PTPRD: variants seen among roughly 807,000 people sequenced by gnomAD.
The protein encoded by PTPRD is receptor-type tyrosine-protein phosphatase delta.
In PTPRD, 34 loss-of-function variants were observed where a neutral mutation model predicts 214.5. The observed-to-expected ratio is 0.16, with a 90% CI of 0.12 to 0.21. PTPRD has a LOEUF of 0.21. PTPRD is among the 10% of genes least tolerant of loss of function. PTPRD has a pLI of 1.00. For missense variants in PTPRD, 2,545 were observed against 2,398.7 expected, an observed-to-expected ratio of 1.06 and a Z score of -1.27; for synonymous variants, 1,128 against 845.7, an observed-to-expected ratio of 1.33 and a Z score of -5.79.
chr9:10,070,032 CA>C (rs1341886204), intron 3 of PTPRD, among the ~76,000 whole-genome samples: 1 of 151,810 alleles, frequency 6.6e-6, no homozygotes, highest in Non-Finnish European at 1.5e-5. Flanking sequence ...CTACTGATTC[CA>C]AATTTTTGGT....
At chr9:9,175,641 A>AGC (rs148825813) in intron 10 of PTPRD, among the ~76,000 whole-genome samples, 1 of 140,364 alleles carries the variant, frequency 7.1e-6, no homozygotes, top group African/African-American at 2.6e-5. Flanking sequence ...AAAAAAAAAA[A>AGC]AAAAAAAAAG....
At chr9:9,415,061 G>T (rs115945319) in intron 8 of PTPRD, among the ~76,000 whole-genome samples, 2 of 152,168 alleles carry the variant, frequency 1.3e-5, no homozygotes, top group East Asian at 3.9e-4. Context: ...ACCTAATTAC[G>T]TACTTGTTTA....
At chr9:10,110,686 C>T (rs902221611) in intron 3 of PTPRD, among the ~76,000 whole-genome samples, 1 of 152,176 alleles carries the variant, frequency 6.6e-6, no homozygotes, top group Non-Finnish European at 1.5e-5. Flanking sequence ...ACTGACTGGG[C>T]ATTGGCCTAT....
At chr9:8,606,943 C>G (rs570894939) in intron 14 of PTPRD, among the ~76,000 whole-genome samples, 3 of 152,108 alleles carry the variant, frequency 2.0e-5, no homozygotes, top group Non-Finnish European at 4.4e-5. Context: ...GTAAAGAAAA[C>G]CTTACTTGAA....
intron 4 of PTPRD, among the ~76,000 whole-genome samples, chr9:9,947,192 T>C (rs999932541): frequency 1.5e-4 from 22 of 145,490 alleles, no homozygotes; most frequent in Non-Finnish European, 3.3e-4. Context: ...GCTATACAGA[T>C]ACTCTCTCAT....
chr9:9,470,839 G>C (rs776290348), intron 8 of PTPRD, among the ~76,000 whole-genome samples: 1 of 152,168 alleles, frequency 6.6e-6, no homozygotes, highest in Non-Finnish European at 1.5e-5. Flanking sequence ...AACTTATTAA[G>C]TTCATATGGG....
At chr9:10,173,222 C>G (rs1032339906) in intron 3 of PTPRD, among the ~76,000 whole-genome samples, 1 of 152,120 alleles carries the variant, frequency 6.6e-6, no homozygotes, top group East Asian at 1.9e-4. Flanking sequence ...TTAGCGTATT[C>G]TAGTAGTGTT....
chr9:10,377,037 C>G (rs895116041), intron 2 of PTPRD, among the ~76,000 whole-genome samples: 17 of 151,846 alleles, frequency 1.1e-4, no homozygotes, highest in Non-Finnish European at 2.5e-4. Context: ...AACCATCCCC[C>G]CCTTCCACCC....
intron 7 of PTPRD, among the ~76,000 whole-genome samples, chr9:9,697,159 T>G (rs1307789900): frequency 6.6e-6 from 1 of 152,080 alleles, no homozygotes. Context: ...GTTGTAGCTA[T>G]TTTTTTGATA....
At chr9:9,899,699 T>C (rs183003839) in intron 5 of PTPRD, among the ~76,000 whole-genome samples, 1 of 152,032 alleles carries the variant, frequency 6.6e-6, no homozygotes, top group East Asian at 1.9e-4. Flanking sequence ...CACTACTAGA[T>C]ATACCTCCAA....
intron 4 of PTPRD, among the ~76,000 whole-genome samples, chr9:9,960,286 A>T (rs571606098): frequency 7.4e-4 from 113 of 152,172 alleles, no homozygotes; most frequent in African/African-American, 2.6e-3. Flanking sequence ...CCCAATGGCC[A>T]AAGCTATGAC....
chr9:10,080,256 A>G (rs2098213728), intron 3 of PTPRD, among the ~76,000 whole-genome samples: 1 of 152,166 alleles, frequency 6.6e-6, no homozygotes, highest in Non-Finnish European at 1.5e-5. Context: ...ACACTAAAGG[A>G]AAATCAGACA....
chr9:10,571,925 A>G (rs2131987459), intron 2 of PTPRD, among the ~76,000 whole-genome samples: 1 of 152,290 alleles, frequency 6.6e-6, no homozygotes, highest in Non-Finnish European at 1.5e-5. Context: ...CCTCCTGCTG[A>G]GAGGCCCCAT....
At chr9:9,162,246 C>A (rs2099891070) in intron 10 of PTPRD, among the ~76,000 whole-genome samples, 1 of 152,126 alleles carries the variant, frequency 6.6e-6, no homozygotes. Context: ...AATATACATT[C>A]ATGATTGCTA....
intron 7 of PTPRD, among the ~76,000 whole-genome samples, chr9:9,677,748 G>A (rs1046287281): frequency 3.9e-5 from 6 of 152,010 alleles, no homozygotes; most frequent in African/African-American, 1.4e-4. Context: ...GAAATAAAGG[G>A]CATTCAATTA....
chr9:10,195,098 A>ATTT lies in PTPRD; in HGVS notation c.-545+145862_-545+145864dup, dbSNP rs34900305. ...CAGGCACCCGTGACCATACCCGGCTATTTTTTTTTTTTTTTTTTTTTTTGT... is the reference window on the plus strand; with the variant it reads ...CAGGCACCCGTGACCATACCCGGCTATTTTTTTTTTTTTTTTTTTTTTTTTTGT... On this transcript the variant is annotated intron_variant, in intron 3 of 45. Transcript: ENST00000381196. Among the ~76,000 whole-genome samples the ATTT allele has an allele frequency of 1.1e-3, 104 of 97,918 alleles. 1 individual carries two copies. Among genetic ancestry groups the ATTT allele is most frequent in the Non-Finnish European group, 1.6e-3 (83 of 51,994 alleles). The allele number at this position is 97,918 out of a possible 152,430, so 64.2% of individuals were successfully genotyped here.
At chr9:9,143,639 T>TA (rs1195346520) in intron 10 of PTPRD, among the ~76,000 whole-genome samples, 1 of 152,230 alleles carries the variant, frequency 6.6e-6, no homozygotes, top group East Asian at 1.9e-4. Flanking sequence ...CAAATATCTC[T>TA]ATGTTCAGAG....
At chr9:9,921,533 G>A (rs915470388) in intron 5 of PTPRD, among the ~76,000 whole-genome samples, 1 of 151,456 alleles carries the variant, frequency 6.6e-6, no homozygotes, top group Admixed American at 6.6e-5. Flanking sequence ...ATTCTTTCTG[G>A]TCTTAAGATG....
chr9:10,463,538 CA>C (rs1204388935), intron 2 of PTPRD, among the ~76,000 whole-genome samples: 1 of 151,626 alleles, frequency 6.6e-6, no homozygotes, highest in Non-Finnish European at 1.5e-5. Flanking sequence ...TTCAAAACTA[CA>C]AAAAAAGTGT....
Sources: gnomAD v4.1 joint callset for allele counts (sites outside exome capture counted in the v4.1 genomes callset) on GRCh38, gnomAD v4.1.1 for gene constraint, MANE v1.5 for transcripts, NCBI Gene and HGNC (gene_info 2026-07-23, HGNC 2026-07-21) for gene names.